TRERF1: variants seen among roughly 807,000 people sequenced by gnomAD.
TRERF1 encodes transcriptional-regulating factor 1.
Under a neutral mutation model 122.9 loss-of-function variants are expected in TRERF1, and 27 were observed. That is an observed-to-expected ratio of 0.22 (90% CI 0.16 to 0.30). The LOEUF (loss-of-function observed/expected upper bound fraction) is 0.30, where lower values mean the gene tolerates loss of function less well. Among genes scored for constraint, TRERF1 ranks in the 10% least tolerant of loss-of-function variants. TRERF1 has a pLI of 1.00. For synonymous variants in TRERF1, 636 were observed against 641.7 expected, an observed-to-expected ratio of 0.99 and a Z score of 0.13; for missense variants, 1,248 against 1,560.3, an observed-to-expected ratio of 0.80 and a Z score of 3.37.
chr6:42,381,431 T>C (rs1395956852), intron 2 of TRERF1, among the ~76,000 whole-genome samples: 3 of 151,874 alleles, frequency 2.0e-5, no homozygotes, highest in Non-Finnish European at 2.9e-5. Context: ...TATCTGAATA[T>C]GAAGCTCCAT....
intron 3 of TRERF1, among the ~76,000 whole-genome samples, chr6:42,354,725 A>G (rs1770176992): frequency 6.6e-6 from 1 of 152,162 alleles, no homozygotes; most frequent in Non-Finnish European, 1.5e-5. Context: ...CTTTTATGAC[A>G]GCACCACAGT....
chr6:42,321,777 TA>T (rs554678486), intron 3 of TRERF1, among the ~76,000 whole-genome samples: 21 of 152,050 alleles, frequency 1.4e-4, no homozygotes, highest in African/African-American at 4.6e-4. Flanking sequence ...AAATCTTTTA[TA>T]AAAAAAACTC....
At chr6:42,242,495 TG>T (rs1773929162) in intron 15 of TRERF1, among the ~76,000 whole-genome samples, 2 of 152,350 alleles carry the variant, frequency 1.3e-5, no homozygotes, top group Non-Finnish European at 1.5e-5. Context: ...TACACATATA[TG>T]GTAGGTAATG....
At chr6:42,258,293 A>C in intron 9 of TRERF1, 92 bp from the exon 10 acceptor site, 1 of 1,151,984 alleles carries the variant, frequency 8.7e-7, no homozygotes, top group Non-Finnish European at 1.3e-6. Flanking sequence ...CAGCCATAAT[A>C]GAGCTTCTCT....
chr6:42,246,299 C>T (rs1774791939), intron 14 of TRERF1, among the ~76,000 whole-genome samples, 157 bp downstream of exon 14: 1 of 152,096 alleles, frequency 6.6e-6, no homozygotes, highest in African/African-American at 2.4e-5. Flanking sequence ...AACACTGGGG[C>T]CATACCACCC....
rs184748075 is a variant in TRERF1 at position 42,356,154 on chromosome 6, A to G, written c.-371+6843T>C. ...CTTCCCCTCTTCCACAACAAGGAAC[A>G]CTTGTCGCTCTAAGGCTTTCTGTAC... On this transcript the variant is annotated intron_variant, in intron 3 of 17. Transcript: ENST00000372922. 3.1e-4 allele frequency among the ~76,000 whole-genome samples: 47 copies of G among 152,298 alleles called. 1 individual carries two copies. In the East Asian group the frequency reaches 6.2e-3, roughly 20 times the overall value.
intron 3 of TRERF1, among the ~76,000 whole-genome samples, chr6:42,312,454 G>A (rs971132536): frequency 6.6e-6 from 1 of 152,230 alleles, no homozygotes; most frequent in Non-Finnish European, 1.5e-5. Flanking sequence ...AAGTGGGGCA[G>A]AAGAATCCCC....
At chr6:42,234,487 A>G (rs1279085460) in intron 16 of TRERF1, among the ~76,000 whole-genome samples, 2 of 151,774 alleles carry the variant, frequency 1.3e-5, no homozygotes, top group African/African-American at 2.4e-5. Flanking sequence ...ACAGGCGCGC[A>G]CCACCACGCC....
chr6:42,258,104 C>T (rs1474887429), intron 10 of TRERF1, 31 bp downstream of exon 10: 1 of 1,591,368 alleles, frequency 6.3e-7, no homozygotes, highest in Admixed American at 1.7e-5. Context: ...GCTGAGGCTT[C>T]TGTTCTAAAG....
intron 3 of TRERF1, among the ~76,000 whole-genome samples, chr6:42,330,096 T>C (rs1765001927): frequency 6.6e-6 from 1 of 152,178 alleles, no homozygotes; most frequent in African/African-American, 2.4e-5. Flanking sequence ...ATTAATATCC[T>C]TAATATATAA....
intron 2 of TRERF1, among the ~76,000 whole-genome samples, chr6:42,406,606 C>A (rs1437455904): frequency 3.9e-5 from 6 of 152,182 alleles, no homozygotes; most frequent in African/African-American, 1.4e-4. Context: ...TACCTAATGT[C>A]TTCTGGAACC....
At position 42,393,923 on chromosome 6, in the gene TRERF1, A is replaced by C. The variant is rs1778155403; in HGVS notation, c.-453-30844T>G. Among the ~76,000 whole-genome samples the C allele has an allele frequency of 6.6e-6, 1 of 152,154 alleles. No individual in the cohort carries two copies. Among genetic ancestry groups the C allele is most frequent in the Non-Finnish European group, 1.5e-5 (1 of 68,016 alleles). ...TCCAATGTATATATGCAGGAAAAAAAAAAAAAAAAAGACTGGGATGTAAAC... is the reference window on the plus strand; with the variant it reads ...TCCAATGTATATATGCAGGAAAAAACAAAAAAAAAAGACTGGGATGTAAAC... On this transcript the variant is annotated intron_variant, in intron 2 of 17. Transcript: ENST00000372922. This position sits in a 1 kb window ranked among gnomAD's most constrained non-coding sequence, Gnocchi z 4.1.
chr6:42,299,824 T>C (rs747275338), intron 4 of TRERF1, among the ~76,000 whole-genome samples: 1 of 152,234 alleles, frequency 6.6e-6, no homozygotes, highest in Non-Finnish European at 1.5e-5. Context: ...TTCATTGATA[T>C]ATCTCCAGAG....
chr6:42,424,465 T>C (rs1053423880), intron 2 of TRERF1, among the ~76,000 whole-genome samples: 1 of 152,226 alleles, frequency 6.6e-6, no homozygotes, highest in African/African-American at 2.4e-5. Flanking sequence ...AAAATTATTT[T>C]ATGCATTTGT....
chr6:42,258,077 A>G, intron 10 of TRERF1, 58 bp downstream of exon 10: 1 of 1,435,054 alleles, frequency 7.0e-7, no homozygotes, highest in Non-Finnish European at 9.8e-7. Flanking sequence ...AAAAGTATTA[A>G]CTATACTTCT....
At chr6:42,278,323 T>C (rs892023071) in intron 4 of TRERF1, among the ~76,000 whole-genome samples, 2 of 152,238 alleles carry the variant, frequency 1.3e-5, no homozygotes, top group African/African-American at 4.8e-5. Flanking sequence ...TAAATTGATG[T>C]AACTGATGTG....
intron 3 of TRERF1, among the ~76,000 whole-genome samples, chr6:42,347,244 C>T (rs1473572327): frequency 1.3e-5 from 2 of 152,194 alleles, no homozygotes; most frequent in African/African-American, 2.4e-5. Context: ...AGTTCCCACC[C>T]ACCTCTCCCA....
At chr6:42,414,027 T>C (rs1293189154) in intron 2 of TRERF1, among the ~76,000 whole-genome samples, 15 of 152,074 alleles carry the variant, frequency 9.9e-5, no homozygotes, top group Non-Finnish European at 2.2e-4. Flanking sequence ...AAAGACCCAA[T>C]AAAAGTGCCA....
intron 2 of TRERF1, among the ~76,000 whole-genome samples, chr6:42,417,063 C>T (rs1171695435): frequency 1.3e-5 from 2 of 152,168 alleles, no homozygotes; most frequent in Admixed American, 1.3e-4. Context: ...CCCCTCCTCC[C>T]TGCCCTTTTT....
Sources: allele counts gnomAD v4.1 joint callset (sites outside exome capture counted in the v4.1 genomes callset), GRCh38; gene constraint gnomAD v4.1.1; non-coding constraint Gnocchi (gnomAD v3.1); transcripts MANE v1.5; gene names NCBI Gene and HGNC (gene_info 2026-07-23, HGNC 2026-07-21).